Variants in SMYD3 observed in about 807,000 individuals in gnomAD.
The protein encoded by SMYD3 is histone-lysine N-methyltransferase SMYD3.
A neutral mutation model predicts 57.7 loss-of-function variants in SMYD3; 36 were observed. That is an observed-to-expected ratio of 0.62 (90% CI 0.48 to 0.82). The LOEUF is 0.82. Among genes scored for constraint, SMYD3 ranks in the 40% least tolerant of loss-of-function variants. SMYD3 has a pLI of 0.00. For missense variants in SMYD3, 515 were observed against 538.8 expected (o/e 0.96, Z 0.44); for synonymous variants, 211 against 195.0 (o/e 1.08, Z -0.68).
At chr1:246,112,424 G>A (rs1382739358) in intron 5 of SMYD3, among the ~76,000 whole-genome samples, 1 of 152,130 alleles carries the variant, frequency 6.6e-6, no homozygotes, top group Non-Finnish European at 1.5e-5. Flanking sequence ...TATAATTATT[G>A]TATATTTGGA....
intron 5 of SMYD3, among the ~76,000 whole-genome samples, chr1:246,056,953 C>T (rs563940488): frequency 6.6e-6 from 1 of 152,236 alleles, no homozygotes; most frequent in Non-Finnish European, 1.5e-5. Flanking sequence ...ACTGCTGTGA[C>T]CTGACGTGAT....
chr1:245,787,425 A>G (rs1184599404), intron 10 of SMYD3, among the ~76,000 whole-genome samples: 1 of 152,188 alleles, frequency 6.6e-6, no homozygotes, highest in African/African-American at 2.4e-5. Context: ...TGAAGTAAGC[A>G]TCGTTTGTCT....
At chr1:246,114,775 G>A (rs1483984836) in intron 5 of SMYD3, among the ~76,000 whole-genome samples, 2 of 152,046 alleles carry the variant, frequency 1.3e-5, no homozygotes, top group East Asian at 3.9e-4. Context: ...GGGATTACAG[G>A]CGCCCGCCAC....
intron 10 of SMYD3, among the ~76,000 whole-genome samples, chr1:245,813,714 G>A (rs1439145163): frequency 6.6e-6 from 1 of 152,104 alleles, no homozygotes; most frequent in Non-Finnish European, 1.5e-5. Flanking sequence ...AATGAAGACT[G>A]GCAGGCTGGG....
intron 5 of SMYD3, among the ~76,000 whole-genome samples, chr1:246,150,164 G>A (rs12030829): frequency 6.6e-6 from 1 of 152,186 alleles, no homozygotes; most frequent in Non-Finnish European, 1.5e-5. Flanking sequence ...GAAAATAACA[G>A]AATCTTCTTT....
intron 5 of SMYD3, among the ~76,000 whole-genome samples, chr1:245,963,155 C>T (rs1463769192): frequency 6.6e-6 from 1 of 152,162 alleles, no homozygotes; most frequent in Non-Finnish European, 1.5e-5. Flanking sequence ...ATCAACCATT[C>T]TTCTTACACA....
chr1:245,830,452 A>T (rs2148379800), intron 10 of SMYD3, among the ~76,000 whole-genome samples: 1 of 152,346 alleles, frequency 6.6e-6, no homozygotes, highest in African/African-American at 2.4e-5. Flanking sequence ...TGATTCAATT[A>T]TCTCCACCTG....
intron 5 of SMYD3, among the ~76,000 whole-genome samples, chr1:246,292,696 C>T (rs1017408727): frequency 6.6e-6 from 1 of 152,164 alleles, no homozygotes; most frequent in African/African-American, 2.4e-5. Flanking sequence ...ACATTACAAG[C>T]TTCCCTTAAA....
chr1:245,797,621 A>G (rs551273865), intron 10 of SMYD3, among the ~76,000 whole-genome samples: 1 of 152,018 alleles, frequency 6.6e-6, no homozygotes, highest in African/African-American at 2.4e-5. Flanking sequence ...ACATGTATAC[A>G]TATGTAACAA....
chr1:245,968,307 A>G (rs2058208439), intron 5 of SMYD3, among the ~76,000 whole-genome samples: 1 of 148,720 alleles, frequency 6.7e-6, no homozygotes, highest in African/African-American at 2.5e-5. Flanking sequence ...GTTCTCCTCA[A>G]ATGAATCTAT....
rs375554317 is a variant in SMYD3 at position 245,775,459 on chromosome 1, A to G, written c.1077-11310T>C. Among the ~76,000 whole-genome samples, 93 of 151,554 alleles carry G rather than the reference A, an allele frequency of 6.1e-4. 1 individual carries two copies. Among genetic ancestry groups the G allele is most frequent in the East Asian group, 2.0e-3 (10 of 5,128 alleles). ...ACATGTGCTGTGTCAACTCAGGGTTAAATGGATTAAGGGCGGTGCAAGATG... is the reference window on the plus strand; with the variant it reads ...ACATGTGCTGTGTCAACTCAGGGTTGAATGGATTAAGGGCGGTGCAAGATG... On this transcript the variant is annotated intron_variant, in intron 10 of 11. Coordinates refer to ENST00000490107, the MANE Select transcript of SMYD3 (RefSeq NM_001167740.2).
At chr1:246,198,931 T>C (rs896343474) in intron 5 of SMYD3, among the ~76,000 whole-genome samples, 5 of 152,292 alleles carry the variant, frequency 3.3e-5, no homozygotes, top group East Asian at 1.9e-4. Context: ...AAGTAACTAA[T>C]GGGCATTAAA....
chr1:246,386,738 G>A (rs1359325615), intron 1 of SMYD3, among the ~76,000 whole-genome samples: 2 of 151,994 alleles, frequency 1.3e-5, no homozygotes, highest in Non-Finnish European at 2.9e-5. Flanking sequence ...TTACCTCTTG[G>A]TCTCTATAGA....
chr1:246,437,101 G>A (rs373939359), intron 1 of SMYD3, among the ~76,000 whole-genome samples: 1 of 152,064 alleles, frequency 6.6e-6, no homozygotes, highest in Non-Finnish European at 1.5e-5. Flanking sequence ...GTTTCACCAC[G>A]TTGGTCAGGC....
chr1:246,164,034 C>G (rs2062163827), intron 5 of SMYD3, among the ~76,000 whole-genome samples: 1 of 152,196 alleles, frequency 6.6e-6, no homozygotes, highest in Admixed American at 6.5e-5. Context: ...GTTTCCTCCT[C>G]TACCCCCACC....
At chr1:246,228,118 T>C (rs984005096) in intron 5 of SMYD3, among the ~76,000 whole-genome samples, 1 of 151,912 alleles carries the variant, frequency 6.6e-6, no homozygotes, top group Non-Finnish European at 1.5e-5. Context: ...TACAGGCGCA[T>C]GCTACCATGA....
chr1:245,930,204 T>G, intron 5 of SMYD3: 2 of 504,884 alleles, frequency 4.0e-6, no homozygotes, highest in Non-Finnish European at 7.4e-6. Flanking sequence ...GAGGAACCAT[T>G]AATTTCAGTC....
Position 246,027,368 on chromosome 1 carries a change from A to G in SMYD3, c.532-97431T>C, listed in dbSNP as rs929151930. 5.9e-5 allele frequency among the ~76,000 whole-genome samples: 9 copies of G among 152,364 alleles called. No homozygotes were observed. The South Asian group carries it at 1.7e-3, about 28-fold the overall frequency. The stretch of plus-strand genomic sequence containing the variant: ...GGATGAGATACCATCTAAGACTTCC[A>G]TAACTAGAGGAGAGGTCAATGCTTT... On this transcript the variant is annotated intron_variant, in intron 5 of 11. Coordinates refer to ENST00000490107, the MANE Select transcript of SMYD3 (RefSeq NM_001167740.2).
intron 1 of SMYD3, among the ~76,000 whole-genome samples, chr1:246,418,135 G>A (rs752207816): frequency 3.9e-5 from 6 of 152,116 alleles, no homozygotes; most frequent in Admixed American, 6.5e-5. Flanking sequence ...GGTCATTTCA[G>A]CACTTTCAAA....
Sources: allele counts gnomAD v4.1 joint callset (sites outside exome capture counted in the v4.1 genomes callset), GRCh38; gene constraint gnomAD v4.1.1; transcripts MANE v1.5; gene names NCBI Gene and HGNC (gene_info 2026-07-23, HGNC 2026-07-21).